AQP9: variants seen among roughly 807,000 people sequenced by gnomAD.
AQP9 encodes the protein aquaporin-9.
In AQP9, 19 loss-of-function variants were observed where a neutral mutation model predicts 23.8. The observed-to-expected ratio is 0.80, with a 90% CI of 0.56 to 1.17. AQP9 has a LOEUF of 1.17. AQP9 is among the 50% of genes most tolerant of loss of function. AQP9 has a pLI of 0.00. For synonymous variants in AQP9, 153 were observed against 131.5 expected (o/e 1.16, Z -1.12); for missense variants, 413 against 362.0 (o/e 1.14, Z -1.14).
intron 2 of AQP9, 23 bp downstream of exon 2, chr15:58,166,822 G>T (rs1399478392): frequency 6.2e-7 from 1 of 1,611,264 alleles, no homozygotes; most frequent in African/African-American, 1.3e-5. Flanking sequence ...AATAATGAAT[G>T]CTGCTCTTAA....
At chr15:58,181,139 T>C (rs1414866148) in intron 5 of AQP9, among the ~76,000 whole-genome samples, 1 of 152,198 alleles carries the variant, frequency 6.6e-6, no homozygotes, top group Non-Finnish European at 1.5e-5. Context: ...AATGTCCCTT[T>C]GCTCTGTTAA....
Position 58,183,974 on chromosome 15 carries a change from T to A in AQP9, c.727T>A (p.Phe243Ile). The change falls in exon 6 of 6, where the codon TTC (phenylalanine) becomes ATC (isoleucine). Residue 243 changes from phenylalanine to isoleucine, a missense_variant. Coordinates refer to ENST00000219919, the MANE Select transcript of AQP9 (RefSeq NM_020980.5). ...GFEVFRAGNN[F>I]WWIPVVGPLV... ...GTTTGATTTCAGAGCTGGAAACAAC[T>A]TCTGGTGGATTCCTGTAGTGGGCCC... The A allele has an allele frequency of 6.2e-7, 1 of 1,614,030 alleles. No individual in the cohort carries two copies. The highest frequency in any genetic ancestry group is 1.3e-5 in the African/African-American group (1 of 75,052).
chr15:58,175,566 A>C (rs57558739), intron 4 of AQP9, among the ~76,000 whole-genome samples: 1 of 152,228 alleles, frequency 6.6e-6, no homozygotes, highest in Non-Finnish European at 1.5e-5. Context: ...GGTGTAACCA[A>C]TAGCACACCT....
At chr15:58,180,058 T>A (rs1170686013) in intron 5 of AQP9, among the ~76,000 whole-genome samples, 2 of 152,174 alleles carry the variant, frequency 1.3e-5, no homozygotes, top group African/African-American at 4.8e-5. Context: ...ACTTTCTACT[T>A]CAGAATGTGC....
At chr15:58,152,926 C>T (rs1183889922) in intron 1 of AQP9, 1 of 152,154 alleles carries the variant, frequency 6.6e-6, no homozygotes, top group Non-Finnish European at 1.5e-5. Context: ...GATATATAAA[C>T]TCAGACCCTA....
At chr15:58,171,124 G>A (rs2007738) in intron 2 of AQP9, among the ~76,000 whole-genome samples, 66,601 of 145,636 alleles carry the variant, frequency 0.46, 16,740 homozygotes, top group Admixed American at 0.61. Flanking sequence ...AGTTTCGCTC[G>A]TTGCCCAGGC....
Position 58,184,163 on chromosome 15 carries a change from C to A in AQP9, c.*28C>A. On this transcript the variant is annotated 3_prime_UTR_variant, in exon 6 of 6. Coordinates refer to ENST00000219919, the MANE Select transcript of AQP9 (RefSeq NM_020980.5). The stretch of plus-strand genomic sequence containing the variant: ...GCATGCTCAGCTCTGGATTTGCAGT[C>A]AGTTTGGGATTCTCTTCAGAAAGAT... 2 of 1,605,484 alleles carry A rather than the reference C, an allele frequency of 1.2e-6. No individual in the cohort carries two copies. Among genetic ancestry groups the A allele is most frequent in the South Asian group, 1.1e-5 (1 of 90,260 alleles).
chr15:58,157,412 C>T (rs1487330856), intron 1 of AQP9, among the ~76,000 whole-genome samples: 9 of 152,138 alleles, frequency 5.9e-5, no homozygotes, highest in African/African-American at 2.2e-4. Context: ...GAATGTCCAC[C>T]TGGCTTACTT....
intron 1 of AQP9, among the ~76,000 whole-genome samples, chr15:58,166,433 T>C (rs1420921209): frequency 6.6e-6 from 1 of 152,238 alleles, no homozygotes; most frequent in African/African-American, 2.4e-5. Flanking sequence ...GATTTATAAA[T>C]GTAGGCAAAA....
At chr15:58,176,672 G>A (rs1259135056) in intron 4 of AQP9, among the ~76,000 whole-genome samples, 3 of 147,466 alleles carry the variant, frequency 2.0e-5, no homozygotes, top group Non-Finnish European at 3.0e-5. Context: ...GTGCAGTGGC[G>A]TGATCTCAGC....
At chr15:58,152,539 T>A (rs1401824257) in intron 1 of AQP9, 1 of 152,140 alleles carries the variant, frequency 6.6e-6, no homozygotes, top group Non-Finnish European at 1.5e-5. Flanking sequence ...AACATTAGAT[T>A]GTGGATCTAA....
At chr15:58,162,115 T>C (rs1341941489) in intron 1 of AQP9, among the ~76,000 whole-genome samples, 3 of 152,210 alleles carry the variant, frequency 2.0e-5, no homozygotes, top group African/African-American at 7.2e-5. Flanking sequence ...AGTCAGAAGG[T>C]ACAGGGTTAA....
chr15:58,150,408 T>C (rs1177419063), intron 1 of AQP9: 1 of 152,656 alleles, frequency 6.6e-6, no homozygotes, highest in Non-Finnish European at 1.5e-5. Context: ...CTTCACATCA[T>C]TATTCGGTCA....
intron 2 of AQP9, among the ~76,000 whole-genome samples, chr15:58,171,174 G>A (rs970770312): frequency 2.0e-5 from 3 of 150,858 alleles, no homozygotes; most frequent in Non-Finnish European, 2.9e-5. Flanking sequence ...TGCAACCTCC[G>A]CCTCCTGGGT....
At chr15:58,143,017 C>T (rs1191485753) in intron 1 of AQP9, among the ~76,000 whole-genome samples, 1 of 152,204 alleles carries the variant, frequency 6.6e-6, no homozygotes, top group Non-Finnish European at 1.5e-5. Context: ...TGTTGCCTGA[C>T]TCTTGCATCA....
chr15:58,138,646 C>T lies in AQP9; in HGVS notation c.81C>T (p.Leu27=). The T allele has an allele frequency of 6.2e-7, 1 of 1,613,814 alleles. No homozygotes were observed. Among genetic ancestry groups the T allele is most frequent in the Non-Finnish European group, 8.5e-7 (1 of 1,179,752 alleles). ...AGAGCAGCTTAGCGAAAGAAACCCT[C>T]TCTGAGTTCTTGGGCACGTTCATCT... The part of the protein sequence containing the change: ...VLKSSLAKET[L]SEFLGTFILI... The change falls in exon 1 of 6, where the codon CTC becomes CTT. Residue 27 remains leucine (L), a synonymous_variant. Transcript: ENST00000219919.
At chr15:58,169,320 T>C (rs2140621131) in intron 2 of AQP9, among the ~76,000 whole-genome samples, 1 of 152,324 alleles carries the variant, frequency 6.6e-6, no homozygotes, top group Non-Finnish European at 1.5e-5. Context: ...AGCACTGGCT[T>C]GGAAAGGCAG....
At chr15:58,155,148 C>T (rs542486648) in intron 1 of AQP9, 39 of 152,366 alleles carry the variant, frequency 2.6e-4, no homozygotes, top group African/African-American at 8.4e-4. Context: ...TAACTGCCTT[C>T]TCTTCAATCA....
Position 58,166,686 on chromosome 15 carries a change from G to T in AQP9, c.125G>T (p.Gly42Val), listed in dbSNP as rs915261825. ...GTFILIVLGC[G>V]CVAQAILSRG... ...CTCTCATTCCAGGTCCTTGGATGTG[G>T]CTGTGTTGCCCAAGCTATTCTCAGT... Residue 42 changes from glycine (G) to valine (V), a missense_variant, in exon 2 of 6, where the codon GGC becomes GTC. Physicochemically the swap from Gly to Val is moderately radical, Grantham distance 109. Coordinates refer to ENST00000219919, the MANE Select transcript of AQP9 (RefSeq NM_020980.5). 2.5e-6 allele frequency: 4 copies of T among 1,609,832 alleles called. No homozygotes were observed. Among genetic ancestry groups the T allele is most frequent in the South Asian group, 2.2e-5 (2 of 90,398 alleles).
Sources: allele counts gnomAD v4.1 joint callset (sites outside exome capture counted in the v4.1 genomes callset), GRCh38; gene constraint gnomAD v4.1.1; transcripts MANE v1.5; gene names NCBI Gene and HGNC (gene_info 2026-07-23, HGNC 2026-07-21).